SYNDIG1: variants seen among roughly 807,000 people sequenced by gnomAD.
SYNDIG1 encodes synapse differentiation-inducing gene protein 1.
SYNDIG1 carries 9 observed loss-of-function variants against 19.4 expected under a neutral mutation model. The observed-to-expected ratio is 0.46, with a 90% CI of 0.28 to 0.81. The LOEUF is 0.81. Among genes scored for constraint, SYNDIG1 ranks in the 30% least tolerant of loss-of-function variants. SYNDIG1 has a pLI of 0.12. For missense variants in SYNDIG1, 311 were observed against 343.3 expected (o/e 0.91, Z 0.74); for synonymous variants, 141 against 145.9 (o/e 0.97, Z 0.24).
chr20:24,660,315 T>C (rs2059571554), intron 3 of SYNDIG1, among the ~76,000 whole-genome samples: 4 of 152,238 alleles, frequency 2.6e-5, no homozygotes, highest in Admixed American at 2.6e-4. Context: ...CTATAAGAAA[T>C]GCTGACCATT....
In SYNDIG1 at chr20:24,520,391, T is replaced by C. The variant is rs78785509; in HGVS notation, c.-78-22629T>C. Among the ~76,000 whole-genome samples the C allele has an allele frequency of 2.9e-3, 446 of 152,176 alleles. 2 individuals carry two copies. The highest frequency in any genetic ancestry group is 4.9e-3 in the Non-Finnish European group (336 of 68,006). On this transcript the variant is annotated intron_variant, in intron 1 of 3. Transcript: ENST00000376862. The stretch of plus-strand genomic sequence containing the variant: ...TTTTCCAGAAAGTGTAGAACTAACT[T>C]ACATCAAATTCCAGTAAGTTCAGGC...
intron 3 of SYNDIG1, among the ~76,000 whole-genome samples, chr20:24,616,717 T>C (rs927011724): frequency 6.6e-6 from 1 of 152,208 alleles, no homozygotes; most frequent in Admixed American, 6.5e-5. Context: ...GCTTCAGCCT[T>C]CACACCTGGA....
chr20:24,494,116 C>T (rs1206657667), intron 1 of SYNDIG1, among the ~76,000 whole-genome samples: 1 of 151,982 alleles, frequency 6.6e-6, no homozygotes, highest in African/African-American at 2.4e-5. Context: ...GCAGAGGCTT[C>T]ACCAGCAAAG....
At chr20:24,557,384 C>G (rs1410627214) in intron 2 of SYNDIG1, among the ~76,000 whole-genome samples, 1 of 152,170 alleles carries the variant, frequency 6.6e-6, no homozygotes, top group Non-Finnish European at 1.5e-5. Flanking sequence ...AGGCGCTCTG[C>G]TTTTTAGAGT....
chr20:24,633,337 C>G (rs547921241), intron 3 of SYNDIG1, among the ~76,000 whole-genome samples: 1 of 152,222 alleles, frequency 6.6e-6, no homozygotes, highest in Non-Finnish European at 1.5e-5. Flanking sequence ...CCTGACACCA[C>G]CCAGCCCGAA....
intron 3 of SYNDIG1, among the ~76,000 whole-genome samples, chr20:24,586,829 T>A (rs1209596464): frequency 1.3e-5 from 2 of 152,142 alleles, no homozygotes; most frequent in African/African-American, 4.8e-5. Flanking sequence ...GAGAGACCAG[T>A]CCTTTGTGGT....
At chr20:24,515,270 AAGATC>A (rs2056837087) in intron 1 of SYNDIG1, among the ~76,000 whole-genome samples, 1 of 152,242 alleles carries the variant, frequency 6.6e-6, no homozygotes, top group Non-Finnish European at 1.5e-5. Flanking sequence ...AGAAATAACT[AAGATC>A]AGAGAAGAAC....
chr20:24,553,979 T>C (rs2057760847), intron 2 of SYNDIG1, among the ~76,000 whole-genome samples: 1 of 152,232 alleles, frequency 6.6e-6, no homozygotes, highest in Non-Finnish European at 1.5e-5. Flanking sequence ...TCCTCTTTTA[T>C]TTCATTGAAC....
intron 3 of SYNDIG1, among the ~76,000 whole-genome samples, chr20:24,604,777 C>G (rs2058729516): frequency 1.3e-5 from 2 of 152,198 alleles, no homozygotes; most frequent in African/African-American, 4.8e-5. Flanking sequence ...TCACTTTACT[C>G]TATGGACCCA....
In SYNDIG1 at chr20:24,658,010, A is replaced by T. The variant is rs2059546225; in HGVS notation, c.619-7336A>T. 6.6e-6 allele frequency among the ~76,000 whole-genome samples: 1 copy of T among 152,124 alleles called. No homozygotes were observed. The highest frequency in any genetic ancestry group is 6.5e-5 in the Admixed American group (1 of 15,274). ...GGAGGCAGGTGTCTGGCGAGGGCAT[A>T]ACTGCTGAGGACCCCCAGCTGTGCT... On this transcript the variant is annotated intron_variant, in intron 3 of 3. Coordinates refer to ENST00000376862, the MANE Select transcript of SYNDIG1 (RefSeq NM_024893.3). The surrounding 1 kb of genome is among the most constrained non-coding windows in gnomAD (Gnocchi z 4.4).
intron 2 of SYNDIG1, among the ~76,000 whole-genome samples, chr20:24,564,467 C>T (rs1380715849): frequency 2.0e-5 from 3 of 152,184 alleles, no homozygotes; most frequent in African/African-American, 4.8e-5. Context: ...CACAAGCTCT[C>T]ATATGTAGAA....
intron 3 of SYNDIG1, among the ~76,000 whole-genome samples, chr20:24,649,671 C>A (rs2059450988): frequency 6.6e-6 from 1 of 152,134 alleles, no homozygotes; most frequent in Admixed American, 6.5e-5. Flanking sequence ...TGACCAAACA[C>A]CACGTCCTGT....
intron 3 of SYNDIG1, among the ~76,000 whole-genome samples, chr20:24,628,408 T>C (rs2059190934): frequency 6.6e-6 from 1 of 152,186 alleles, no homozygotes; most frequent in South Asian, 2.1e-4. Context: ...TCCTCTGATA[T>C]ATTTATTGGT....
intron 3 of SYNDIG1, among the ~76,000 whole-genome samples, chr20:24,595,144 G>A (rs2058576450): frequency 3.3e-5 from 5 of 152,092 alleles, no homozygotes; most frequent in Admixed American, 2.6e-4. Context: ...TATTGGCTTT[G>A]GGTTTGTGAT....
At chr20:24,485,481 G>A (rs1420266223) in intron 1 of SYNDIG1, among the ~76,000 whole-genome samples, 4 of 152,156 alleles carry the variant, frequency 2.6e-5, no homozygotes, top group African/African-American at 7.2e-5. Context: ...AAGGAAAAGT[G>A]GGAAAAATTT....
At position 24,633,871 on chromosome 20, in the gene SYNDIG1, C is replaced by T. The variant is rs1997870; in HGVS notation, c.619-31475C>T. On this transcript the variant is annotated intron_variant, in intron 3 of 3. Transcript: ENST00000376862. ...TGGTTCAGGGTTGTTGGGGTGTGGG[C>T]ACAGCACGTGACACCCGCACCAGCC... 6.0e-3 allele frequency among the ~76,000 whole-genome samples: 908 copies of T among 152,252 alleles called. 28 individuals are homozygous for T. In the East Asian group the frequency reaches 0.095, roughly 16 times the overall value.
intron 3 of SYNDIG1, among the ~76,000 whole-genome samples, chr20:24,661,433 G>A (rs1193053160): frequency 4.4e-5 from 6 of 136,474 alleles, no homozygotes; most frequent in African/African-American, 1.6e-4. Flanking sequence ...GAAGGAGGGA[G>A]GAAGGAAGGA....
intron 1 of SYNDIG1, among the ~76,000 whole-genome samples, chr20:24,483,481 G>A (rs1274331746): frequency 7.9e-5 from 12 of 152,016 alleles, no homozygotes; most frequent in African/African-American, 2.9e-4. Flanking sequence ...ATGTTCCCAC[G>A]TCCTATGCCC....
chr20:24,564,392 G>A (rs994462392), intron 2 of SYNDIG1, among the ~76,000 whole-genome samples: 3 of 152,086 alleles, frequency 2.0e-5, no homozygotes, highest in Admixed American at 6.5e-5. Context: ...TCTAGCAAAT[G>A]ATTTCACAGT....
Sources: gnomAD v4.1 joint callset for allele counts (sites outside exome capture counted in the v4.1 genomes callset) on GRCh38, gnomAD v4.1.1 for gene constraint, Gnocchi (gnomAD v3.1) non-coding constraint, MANE v1.5 for transcripts, NCBI Gene and HGNC (gene_info 2026-07-23, HGNC 2026-07-21) for gene names.